The following KCNMA1 variants were observed in gnomAD, a reference collection of about 807,000 sequenced individuals.
KCNMA1 encodes Calcium-activated potassium channel subunit alpha-1.
KCNMA1 carries 29 observed loss-of-function variants against 140.0 expected under a neutral mutation model. The ratio of observed to expected loss-of-function variants is 0.21; its 90% CI spans 0.15 to 0.28. KCNMA1 has a LOEUF of 0.28. Ranked by LOEUF, KCNMA1 falls within the 10% of genes least tolerant of loss-of-function variation. The pLI is 1.00. For missense variants in KCNMA1, 880 were observed against 1,602.2 expected, an observed-to-expected ratio of 0.55 and a Z score of 7.70; for synonymous variants, 612 against 611.9, an observed-to-expected ratio of 1.00 and a Z score of 0.00.
chr10:77,506,596 A>AGAGAGAGAGTGT lies in KCNMA1; in HGVS notation c.379-102574_379-102573insACACTCTCTCTC. On this transcript the variant is annotated intron_variant, in intron 1 of 27. Transcript: ENST00000286628. Reference sequence around the variant, plus strand: ...TAGAGAGAGAGAGAGAGAGAGAGAGAGTGTGTGTGTGTGTGTGTGTGTGTT... The same window carrying AGAGAGAGAGTGT: ...TAGAGAGAGAGAGAGAGAGAGAGAGAGAGAGAGAGTGTGTGTGTGTGTGTGTGTGTGTGTGTT... Among the ~76,000 whole-genome samples the AGAGAGAGAGTGT allele has an allele frequency of 2.6e-3, 216 of 83,516 alleles. 8 individuals are homozygous for AGAGAGAGAGTGT. Among genetic ancestry groups the AGAGAGAGAGTGT allele is most frequent in the African/African-American group, 8.4e-3 (112 of 13,390 alleles). The allele number at this position is 83,516 out of a possible 152,430, so 54.8% of individuals were successfully genotyped here.
At chr10:77,208,966 C>T (rs2045103102) in intron 3 of KCNMA1, among the ~76,000 whole-genome samples, 1 of 152,172 alleles carries the variant, frequency 6.6e-6, no homozygotes, top group East Asian at 1.9e-4. Context: ...TGGCCAAGCT[C>T]AGTGGGTAAT....
At chr10:77,352,586 G>A (rs1184886728) in intron 2 of KCNMA1, among the ~76,000 whole-genome samples, 1 of 152,082 alleles carries the variant, frequency 6.6e-6, no homozygotes, top group Non-Finnish European at 1.5e-5. Flanking sequence ...ATAAAACAGT[G>A]AACTAAGTCT....
chr10:76,921,637 C>T (rs1171908360), intron 23 of KCNMA1, among the ~76,000 whole-genome samples: 1 of 152,174 alleles, frequency 6.6e-6, no homozygotes, highest in Non-Finnish European at 1.5e-5. Flanking sequence ...TGAGCAACTA[C>T]GGTAATAGCC....
At chr10:77,062,346 AT>A (rs1163275980) in intron 14 of KCNMA1, among the ~76,000 whole-genome samples, 1 of 152,026 alleles carries the variant, frequency 6.6e-6, no homozygotes, top group African/African-American at 2.4e-5. Flanking sequence ...GATTAACTAT[AT>A]TTTTTTCTCC....
chr10:77,423,088 C>G (rs139487391), intron 1 of KCNMA1, among the ~76,000 whole-genome samples: 275 of 152,356 alleles, frequency 1.8e-3, no homozygotes, highest in Middle Eastern at 3.4e-3. Context: ...TTTGTCATCA[C>G]TGCTAGACAG....
chr10:76,986,782 T>G (rs1355699189), intron 19 of KCNMA1, among the ~76,000 whole-genome samples: 1 of 152,192 alleles, frequency 6.6e-6, no homozygotes, highest in African/African-American at 2.4e-5. Context: ...GCAATGGGTT[T>G]GCCATGGCTT....
At chr10:77,366,134 C>G (rs61867276) in intron 2 of KCNMA1, among the ~76,000 whole-genome samples, 17 of 54,062 alleles carry the variant, frequency 3.1e-4, no homozygotes, top group African/African-American at 1.6e-3. Context: ...CTTTTCTTCT[C>G]TCTCTCTCTC....
At position 77,135,770 on chromosome 10, in the gene KCNMA1, A is replaced by G. The variant is rs146154474; in HGVS notation, c.809-14722T>C. Among the ~76,000 whole-genome samples, 31 of 152,354 alleles carry G rather than the reference A, an allele frequency of 2.0e-4. 1 individual carries two copies. The highest frequency in any genetic ancestry group is 7.2e-4 in the African/African-American group (30 of 41,582). On this transcript the variant is annotated intron_variant, in intron 5 of 27. Coordinates refer to ENST00000286628, the MANE Select transcript of KCNMA1 (RefSeq NM_001161352.2). ...AAACATCACGTGATCTCACTCATAT[A>G]AAACAGCTGATCTCATAGAAAGAGG...
intron 22 of KCNMA1, 21 bp downstream of exon 22, chr10:76,949,121 A>G: frequency 6.5e-7 from 1 of 1,550,336 alleles, no homozygotes; most frequent in Non-Finnish European, 8.9e-7. Flanking sequence ...AAAGGCATCA[A>G]TAATGTGACC....
chr10:77,461,634 T>C (rs907278395), intron 1 of KCNMA1, among the ~76,000 whole-genome samples: 1 of 152,152 alleles, frequency 6.6e-6, no homozygotes, highest in East Asian at 1.9e-4. Flanking sequence ...AGAGGTTCCT[T>C]ACTTCCTGCC....
chr10:77,061,357 C>A (rs2095743397), intron 14 of KCNMA1, among the ~76,000 whole-genome samples: 1 of 151,742 alleles, frequency 6.6e-6, no homozygotes, highest in Non-Finnish European at 1.5e-5. Flanking sequence ...TAAAATGGAC[C>A]CAGCACTTCA....
At chr10:77,574,943 G>T (rs764821220) in intron 1 of KCNMA1, among the ~76,000 whole-genome samples, 2 of 152,154 alleles carry the variant, frequency 1.3e-5, no homozygotes, top group African/African-American at 2.4e-5. Flanking sequence ...AGGCCCCAGG[G>T]CCTGACCACT....
At chr10:77,149,875 T>C (rs1026203729) in intron 5 of KCNMA1, 1 of 152,218 alleles carries the variant, frequency 6.6e-6, no homozygotes, top group East Asian at 1.9e-4. Flanking sequence ...ATCTGCTTAG[T>C]GGTCATGTGG....
intron 1 of KCNMA1, among the ~76,000 whole-genome samples, chr10:77,622,648 T>G (rs548099869): frequency 2.0e-5 from 3 of 152,226 alleles, no homozygotes; most frequent in Non-Finnish European, 4.4e-5. Flanking sequence ...ATGCATCCAT[T>G]TTCTAACCTG....
chr10:77,201,896 A>G (rs1001006238), intron 3 of KCNMA1, among the ~76,000 whole-genome samples: 2 of 152,170 alleles, frequency 1.3e-5, no homozygotes, highest in African/African-American at 4.8e-5. Flanking sequence ...GCCAATATCA[A>G]TTTCCTGGTT....
At chr10:77,317,140 G>A (rs2081098737) in intron 2 of KCNMA1, among the ~76,000 whole-genome samples, 1 of 152,088 alleles carries the variant, frequency 6.6e-6, no homozygotes, top group African/African-American at 2.4e-5. Context: ...ACTGCCAACT[G>A]CCAGGCCCCA....
intron 9 of KCNMA1, chr10:77,091,451 T>C (rs920490536): frequency 3.3e-5 from 5 of 152,218 alleles, no homozygotes; most frequent in African/African-American, 7.2e-5. Context: ...TGGCCACTTA[T>C]ATGTGCCACA....
intron 14 of KCNMA1, among the ~76,000 whole-genome samples, chr10:77,039,883 C>CTTTTTTTT (rs34943268): frequency 0.056 from 4,373 of 78,512 alleles, 25 homozygotes; most frequent in Middle Eastern, 0.074. Flanking sequence ...TTTTCTTTTT[C>CTTTTTTTT]TTTTTTTTTT....
chr10:77,050,673 C>T (rs528010783), intron 14 of KCNMA1, among the ~76,000 whole-genome samples: 79 of 152,308 alleles, frequency 5.2e-4, no homozygotes, highest in African/African-American at 1.8e-3. Flanking sequence ...TCGCAGATGA[C>T]ACTGATGCTT....
Sources: gnomAD v4.1 joint callset for allele counts (sites outside exome capture counted in the v4.1 genomes callset) on GRCh38, gnomAD v4.1.1 for gene constraint, MANE v1.5 for transcripts, NCBI Gene and HGNC (gene_info 2026-07-23, HGNC 2026-07-21) for gene names.